CNDP2: variants seen among roughly 807,000 people sequenced by gnomAD.
CNDP2 encodes the protein carnosine dipeptidase 2, also known as cytosolic non-specific dipeptidase.
In CNDP2, 38 loss-of-function variants were observed where a neutral mutation model predicts 55.0. The observed-to-expected ratio is 0.69, with a 90% CI of 0.53 to 0.90. The LOEUF (loss-of-function observed/expected upper bound fraction) is 0.90. CNDP2 is among the 40% of genes least tolerant of loss of function. CNDP2 has a pLI of 0.00. For missense variants in CNDP2, 607 were observed against 621.7 expected, an observed-to-expected ratio of 0.98 and a Z score of 0.25; for synonymous variants, 241 against 260.2, an observed-to-expected ratio of 0.93 and a Z score of 0.71.
intron 1 of CNDP2, chr18:74,499,571 C>A (rs1978576396): frequency 5.5e-6 from 1 of 180,350 alleles, no homozygotes; most frequent in South Asian, 1.4e-4. Context: ...TGAAACTTAT[C>A]TTTGTGCTTT....
At chr18:74,512,599 T>C in intron 7 of CNDP2, 67 bp downstream of exon 7, 1 of 1,384,214 alleles carries the variant, frequency 7.2e-7, no homozygotes, top group African/African-American at 1.4e-5. Context: ...CCAGGCTGTC[T>C]GTCATCAGCA....
At chr18:74,513,362 G>A (rs946974551) in intron 7 of CNDP2, among the ~76,000 whole-genome samples, 197 bp from the exon 8 acceptor site, 3 of 152,222 alleles carry the variant, frequency 2.0e-5, no homozygotes, top group Admixed American at 2.0e-4. Flanking sequence ...CCTGACAGGC[G>A]ATATGTGCAT....
intron 9 of CNDP2, 46 bp from the exon 10 acceptor site, chr18:74,518,453 G>A (rs735076): frequency 0.1 from 166,648 of 1,609,204 alleles, 9,346 homozygotes; most frequent in African/African-American, 0.19. Context: ...TGGATCAAAT[G>A]CAAGCTTATA....
At chr18:74,510,030 G>A (rs370213919) in intron 5 of CNDP2, among the ~76,000 whole-genome samples, 44 of 152,326 alleles carry the variant, frequency 2.9e-4, no homozygotes, top group Middle Eastern at 3.4e-3. Flanking sequence ...CTCTGGCCCC[G>A]TGGAGCCCTC....
At chr18:74,496,779 G>C (rs956024891) in intron 1 of CNDP2, among the ~76,000 whole-genome samples, 1 of 152,188 alleles carries the variant, frequency 6.6e-6, no homozygotes, top group African/African-American at 2.4e-5. Context: ...ACCCGGGTTG[G>C]AGATGGGGTT....
At chr18:74,506,178 G>C (rs1490368301) in intron 4 of CNDP2, 167 bp downstream of exon 4, 12 of 588,840 alleles carry the variant, frequency 2.0e-5, no homozygotes, top group Non-Finnish European at 2.4e-5. Context: ...CTGTAGCTCA[G>C]GCTGGAGGGC....
intron 4 of CNDP2, 85 bp from the exon 5 acceptor site, chr18:74,508,748 TGGCTAAG>T: frequency 2.0e-6 from 2 of 978,188 alleles, no homozygotes; most frequent in Non-Finnish European, 3.3e-6. Context: ...CGTGTTTGCT[TGGCTAAG>T]GGGTTATCAG....
intron 11 of CNDP2, 41 bp downstream of exon 11, chr18:74,519,137 C>CAGCGTCCCT (rs745985157): frequency 6.4e-7 from 1 of 1,563,388 alleles, no homozygotes; most frequent in East Asian, 2.3e-5. Flanking sequence ...GTCTCCTGCA[C>CAGCGTCCCT]AGCGTCCCTC....
chr18:74,513,473 T>C, intron 7 of CNDP2, 86 bp from the exon 8 acceptor site: 1 of 1,401,034 alleles, frequency 7.1e-7, no homozygotes, highest in Non-Finnish European at 9.5e-7. Context: ...CTCCTGAGCC[T>C]GGCTTCCTGG....
chr18:74,518,704 T>G, intron 10 of CNDP2, 64 bp downstream of exon 10: 1 of 1,603,640 alleles, frequency 6.2e-7, no homozygotes, highest in Admixed American at 1.7e-5. Flanking sequence ...AGGACTCTGC[T>G]ATATCGCGTG....
chr18:74,513,924 A>G, intron 8 of CNDP2: 1 of 531,940 alleles, frequency 1.9e-6, no homozygotes, highest in Non-Finnish European at 3.3e-6. Context: ...TTTTGATTCC[A>G]TCAGACCTGG....
At chr18:74,504,248 G>A (rs59075243) in intron 3 of CNDP2, among the ~76,000 whole-genome samples, 1 of 147,210 alleles carries the variant, frequency 6.8e-6, no homozygotes, top group Admixed American at 6.8e-5. Context: ...CCACAGTGCC[G>A]CTGGGACAAA....
intron 4 of CNDP2, 153 bp downstream of exon 4, chr18:74,506,164 C>G: frequency 2.0e-5 from 13 of 657,884 alleles, no homozygotes; most frequent in Non-Finnish European, 2.3e-5. Flanking sequence ...GACAGAGTCT[C>G]ACTCTGTAGC....
chr18:74,517,487 T>C (rs1204821718), intron 9 of CNDP2: 1 of 152,164 alleles, frequency 6.6e-6, no homozygotes, highest in Non-Finnish European at 1.5e-5. Flanking sequence ...GCACATGTGG[T>C]CAAAGGTCAC....
intron 2 of CNDP2, among the ~76,000 whole-genome samples, chr18:74,500,809 A>C (rs1307825973): frequency 6.6e-6 from 1 of 152,220 alleles, no homozygotes; most frequent in African/African-American, 2.4e-5. Context: ...TTAAGGGCTC[A>C]CAGCACTAAA....
In CNDP2 at chr18:74,516,381, G is replaced by A. The variant is rs568660716; in HGVS notation, c.1057G>A (p.Val353Ile). The A allele has an allele frequency of 1.6e-5, 26 of 1,610,326 alleles. No individual in the cohort carries two copies. The highest frequency in any genetic ancestry group is 3.3e-5 in the South Asian group (3 of 90,706). Reference sequence around the variant, plus strand: ...CGTGCCGAACATGACTCCTGAAGTCGTCGGCGAGCAGGCATGTGGGGCTGG... The same window carrying A: ...CGTGCCGAACATGACTCCTGAAGTCATCGGCGAGCAGGCATGTGGGGCTGG... The part of the protein sequence containing the change: ...RLVPNMTPEV[V>I]GEQVTSYLTK... The change falls in exon 9 of 12, where the codon GTC (valine) becomes ATC (isoleucine). Residue 353 changes from valine (V) to isoleucine (I), a missense_variant. Transcript: ENST00000324262.
At chr18:74,500,116 A>T (rs1327422738) in intron 2 of CNDP2, 83 bp downstream of exon 2, 1 of 1,132,528 alleles carries the variant, frequency 8.8e-7, no homozygotes, top group Non-Finnish European at 1.3e-6. Context: ...GCTAATATGA[A>T]TTATGCCATT....
At chr18:74,504,251 G>A (rs1375519640) in intron 3 of CNDP2, among the ~76,000 whole-genome samples, 1 of 149,752 alleles carries the variant, frequency 6.7e-6, no homozygotes. Flanking sequence ...CAGTGCCGCT[G>A]GGACAAATGA....
At chr18:74,511,112 G>A in intron 6 of CNDP2, 99 bp downstream of exon 6, 2 of 1,016,892 alleles carry the variant, frequency 2.0e-6, no homozygotes, top group Admixed American at 2.5e-5. Context: ...CAGGTGCACA[G>A]GAAGGAGAAG....
Sources: gnomAD v4.1 joint callset for allele counts (sites outside exome capture counted in the v4.1 genomes callset) on GRCh38, gnomAD v4.1.1 for gene constraint, MANE v1.5 for transcripts, NCBI Gene and HGNC (gene_info 2026-07-23, HGNC 2026-07-21) for gene names.